Variants in B4GALT5 observed in about 807,000 individuals in gnomAD.
B4GALT5 encodes UDP-Gal:beta-GlcNAc beta-1,4-galactosyltransferase 5.
Under a neutral mutation model 45.0 loss-of-function variants are expected in B4GALT5, and 11 were observed. That is an observed-to-expected ratio of 0.24 (90% confidence interval 0.15 to 0.40). The LOEUF (loss-of-function observed/expected upper bound fraction) is 0.40, where lower values mean the gene tolerates loss of function less well. Among genes scored for constraint, B4GALT5 ranks in the 10% least tolerant of loss-of-function variants. B4GALT5 has a pLI of 1.00. For synonymous variants in B4GALT5, 185 were observed against 182.9 expected (o/e 1.01, Z -0.09); for missense variants, 337 against 500.2 (o/e 0.67, Z 3.11).
At chr20:49,660,863 C>A (rs950164842) in intron 1 of B4GALT5, among the ~76,000 whole-genome samples, 1 of 152,154 alleles carries the variant, frequency 6.6e-6, no homozygotes, top group Non-Finnish European at 1.5e-5. Flanking sequence ...TGGTAGTGTG[C>A]GCCTGTAGTC....
chr20:49,680,388 C>T (rs1428306871), intron 1 of B4GALT5, among the ~76,000 whole-genome samples: 1 of 152,150 alleles, frequency 6.6e-6, no homozygotes, highest in African/African-American at 2.4e-5. Context: ...CACTGATGTG[C>T]ATCCTAGGAT....
intron 1 of B4GALT5, among the ~76,000 whole-genome samples, chr20:49,702,183 G>A (rs769440677): frequency 1.3e-5 from 2 of 152,062 alleles, no homozygotes; most frequent in African/African-American, 2.4e-5. Context: ...TGCCGAATCC[G>A]AATCTAAATA....
In B4GALT5 at chr20:49,669,652, C is replaced by T. The variant is rs150168834; in HGVS notation, c.116-12950G>A. On this transcript the variant is annotated intron_variant, in intron 1 of 8. Transcript: ENST00000371711. ...CGGATGTTGCAGTGAGCTAAGATCG[C>T]GCCATTGCACTCCAGCCTGGGCAAC... 8.4e-3 allele frequency among the ~76,000 whole-genome samples: 1,262 copies of T among 149,930 alleles called. 14 individuals carry two copies. The highest frequency in any genetic ancestry group is 0.029 in the African/African-American group (1,197 of 40,630).
intron 7 of B4GALT5, among the ~76,000 whole-genome samples, chr20:49,639,309 A>G (rs1007458816): frequency 2.0e-5 from 3 of 152,284 alleles, no homozygotes; most frequent in African/African-American, 7.2e-5. Context: ...AGATATTAAG[A>G]TATTTTTAAA....
At chr20:49,668,439 G>C (rs1326747044) in intron 1 of B4GALT5, among the ~76,000 whole-genome samples, 1 of 151,906 alleles carries the variant, frequency 6.6e-6, no homozygotes, top group Non-Finnish European at 1.5e-5. Flanking sequence ...ATTCTTAATA[G>C]CATGACCAGT....
chr20:49,709,938 T>C (rs1002839229), intron 1 of B4GALT5, among the ~76,000 whole-genome samples: 1 of 152,346 alleles, frequency 6.6e-6, no homozygotes, highest in Middle Eastern at 3.4e-3. Flanking sequence ...GGTACCCCAT[T>C]TCACGGATGA....
intron 1 of B4GALT5, among the ~76,000 whole-genome samples, chr20:49,694,172 GT>G (rs1428251195): frequency 6.6e-6 from 1 of 152,166 alleles, no homozygotes; most frequent in Non-Finnish European, 1.5e-5. Flanking sequence ...GTTAGAAAAA[GT>G]ATGTTCCTCA....
chr20:49,644,106 T>C (rs1046573299), intron 3 of B4GALT5, among the ~76,000 whole-genome samples: 7 of 151,924 alleles, frequency 4.6e-5, no homozygotes, highest in Non-Finnish European at 8.8e-5. Flanking sequence ...TTTGTATTTT[T>C]AGTAGAGATG....
chr20:49,678,220 G>A (rs1377066244), intron 1 of B4GALT5, among the ~76,000 whole-genome samples: 1 of 152,146 alleles, frequency 6.6e-6, no homozygotes, highest in Non-Finnish European at 1.5e-5. Flanking sequence ...AAGCACACAG[G>A]GCCTAGAGTC....
At chr20:49,689,129 G>A (rs954738429) in intron 1 of B4GALT5, among the ~76,000 whole-genome samples, 52 of 152,116 alleles carry the variant, frequency 3.4e-4, no homozygotes, top group Non-Finnish European at 6.8e-4. Flanking sequence ...GCAAAACAGT[G>A]TTTAGGTATC....
At chr20:49,645,802 A>G (rs557272461) in intron 3 of B4GALT5, among the ~76,000 whole-genome samples, 100 of 152,132 alleles carry the variant, frequency 6.6e-4, no homozygotes, top group African/African-American at 2.4e-3. Flanking sequence ...TATACTAGAT[A>G]ATGATAATAA....
intron 1 of B4GALT5, among the ~76,000 whole-genome samples, chr20:49,662,708 A>G (rs770171397): frequency 3.3e-5 from 5 of 152,172 alleles, no homozygotes; most frequent in Non-Finnish European, 5.9e-5. Context: ...CACTGCCAAA[A>G]AGATTAGCTT....
At chr20:49,665,440 GTAATAA>G (rs71339446) in intron 1 of B4GALT5, among the ~76,000 whole-genome samples, 16,782 of 94,788 alleles carry the variant, frequency 0.18, 1,792 homozygotes, top group East Asian at 0.24. Context: ...GGGGGTAGTA[GTAATAA>G]TAATAATAAT....
chr20:49,687,811 G>C (rs796593915), intron 1 of B4GALT5, among the ~76,000 whole-genome samples: 13 of 151,910 alleles, frequency 8.6e-5, no homozygotes, highest in African/African-American at 3.1e-4. Context: ...TCTGCTTCTG[G>C]CTATGACTGA....
intron 1 of B4GALT5, among the ~76,000 whole-genome samples, chr20:49,663,685 A>AT: frequency 1.7e-5 from 1 of 60,102 alleles, no homozygotes; most frequent in South Asian, 7.6e-4. Context: ...GAAAAAAAAA[A>AT]AAAAAATATA....
intron 1 of B4GALT5, chr20:49,684,547 A>G: frequency 1.9e-6 from 1 of 516,118 alleles, no homozygotes; most frequent in Non-Finnish European, 3.9e-6. Flanking sequence ...TGGGCGATAG[A>G]GCAAGACTCC....
intron 1 of B4GALT5, among the ~76,000 whole-genome samples, chr20:49,713,066 T>A (rs970431639): frequency 1.5e-5 from 2 of 134,134 alleles, no homozygotes; most frequent in African/African-American, 5.7e-5. Context: ...AACGATGGAG[T>A]CATGGGGAGT....
At chr20:49,691,040 T>A (rs1163743175) in intron 1 of B4GALT5, among the ~76,000 whole-genome samples, 1 of 152,202 alleles carries the variant, frequency 6.6e-6, no homozygotes, top group African/African-American at 2.4e-5. Context: ...GGTCCTAGAA[T>A]ATTATTTAAG....
chr20:49,700,956 G>T (rs1309324379), intron 1 of B4GALT5, among the ~76,000 whole-genome samples: 1 of 152,208 alleles, frequency 6.6e-6, no homozygotes, highest in African/African-American at 2.4e-5. Flanking sequence ...GGCAATTAAA[G>T]AATGTTAACT....
Sources: allele counts gnomAD v4.1 joint callset (sites outside exome capture counted in the v4.1 genomes callset), GRCh38; gene constraint gnomAD v4.1.1; transcripts MANE v1.5; gene names NCBI Gene and HGNC (gene_info 2026-07-23, HGNC 2026-07-21).